The following AFG2A variants were observed in gnomAD, a reference collection of about 807,000 sequenced individuals.
AFG2A encodes the protein ATPase family gene 2 protein homolog A.
chr4:123,045,684 G>C, the AFG2A span, among the ~76,000 whole-genome samples: 1 of 152,068 alleles, frequency 6.6e-6, no homozygotes, highest in Admixed American at 6.6e-5. Context: ...TTAACTTGTC[G>C]TATTTCTAGT....
chr4:123,240,262 G>T, the AFG2A span, among the ~76,000 whole-genome samples: 1 of 152,130 alleles, frequency 6.6e-6, no homozygotes, highest in East Asian at 1.9e-4. Context: ...CTTGAACTCA[G>T]CTCTGCACCA....
the AFG2A span, among the ~76,000 whole-genome samples, chr4:123,119,908 AAG>A: frequency 2.0e-5 from 3 of 152,154 alleles, no homozygotes; most frequent in Non-Finnish European, 2.9e-5. Context: ...CACAGGGCTG[AAG>A]AGAGAGAATG....
At chr4:123,272,951 A>G in the AFG2A span, among the ~76,000 whole-genome samples, 5 of 152,172 alleles carry the variant, frequency 3.3e-5, no homozygotes, top group Non-Finnish European at 5.9e-5. Flanking sequence ...AAAATATCCA[A>G]GAGAAAAATG....
chr4:123,262,762 G>A, the AFG2A span, among the ~76,000 whole-genome samples: 1 of 152,100 alleles, frequency 6.6e-6, no homozygotes, highest in Non-Finnish European at 1.5e-5. Context: ...TGTGAATAAT[G>A]TTTGCAATTT....
the AFG2A span, among the ~76,000 whole-genome samples, chr4:123,107,178 C>T: frequency 6.6e-6 from 1 of 152,202 alleles, no homozygotes; most frequent in Non-Finnish European, 1.5e-5. Flanking sequence ...CAACTCTTCT[C>T]CTTCTCATCA....
the AFG2A span, among the ~76,000 whole-genome samples, chr4:122,951,045 T>C: frequency 2.6e-4 from 40 of 152,318 alleles, no homozygotes; most frequent in South Asian, 6.6e-3. Context: ...AGGAGACGAA[T>C]GCAGGTTAAT....
the AFG2A span, among the ~76,000 whole-genome samples, chr4:123,032,099 A>G: frequency 6.6e-6 from 1 of 152,350 alleles, no homozygotes; most frequent in East Asian, 1.9e-4. Flanking sequence ...TCTGCAAGAA[A>G]TGTGGTTAGG....
chr4:123,207,950 T>C, the AFG2A span, among the ~76,000 whole-genome samples: 1 of 152,232 alleles, frequency 6.6e-6, no homozygotes, highest in East Asian at 1.9e-4. Context: ...CCATATGGAA[T>C]GCAAGGGGCC....
At chr4:123,023,371 C>A in the AFG2A span, among the ~76,000 whole-genome samples, 1 of 151,372 alleles carries the variant, frequency 6.6e-6, no homozygotes, top group African/African-American at 2.4e-5. Flanking sequence ...AATAAAAGTT[C>A]AAATAAAAAA....
At chr4:123,026,493 C>T in the AFG2A span, among the ~76,000 whole-genome samples, 1 of 151,886 alleles carries the variant, frequency 6.6e-6, no homozygotes, top group Non-Finnish European at 1.5e-5. Flanking sequence ...CAGACTTTAC[C>T]AATTTGTGTT....
the AFG2A span, among the ~76,000 whole-genome samples, chr4:123,026,105 ATGTGTGTGTGTG>A: frequency 9.4e-5 from 14 of 149,232 alleles, no homozygotes; most frequent in Non-Finnish European, 1.9e-4. Flanking sequence ...GTGTATGTGT[ATGTGTGTGTGTG>A]TGTGTGTGTG....
At chr4:123,153,777 A>G in the AFG2A span, among the ~76,000 whole-genome samples, 1 of 152,166 alleles carries the variant, frequency 6.6e-6, no homozygotes, top group Admixed American at 6.5e-5. Flanking sequence ...AACCAGTGAT[A>G]AAAAGAAAAC....
chr4:123,160,021 G>C, the AFG2A span, among the ~76,000 whole-genome samples: 1 of 151,314 alleles, frequency 6.6e-6, no homozygotes, highest in Non-Finnish European at 1.5e-5. Flanking sequence ...TTGTCTTTTT[G>C]TTGTTGTTGT....
the AFG2A span, among the ~76,000 whole-genome samples, chr4:123,069,979 C>T: frequency 6.6e-6 from 1 of 152,084 alleles, no homozygotes; most frequent in African/African-American, 2.4e-5. Context: ...TTAGTATTCG[C>T]TTGGTGGTTT....
chr4:123,152,294 A>G, the AFG2A span, among the ~76,000 whole-genome samples: 2 of 152,196 alleles, frequency 1.3e-5, no homozygotes, highest in African/African-American at 4.8e-5. Context: ...CAGAACTTAA[A>G]GTATAATAAT....
the AFG2A span, among the ~76,000 whole-genome samples, chr4:123,029,738 A>C: frequency 6.6e-6 from 1 of 151,862 alleles, no homozygotes; most frequent in Non-Finnish European, 1.5e-5. Context: ...CCTGGGCTCA[A>C]GCTATTCTTC....
At chr4:122,939,075 C>CT in the AFG2A span, among the ~76,000 whole-genome samples, 7,873 of 102,118 alleles carry the variant, frequency 0.077, 2,234 homozygotes, top group Middle Eastern at 0.15. Flanking sequence ...TATGTTCTTT[C>CT]TTTTTTTTTT....
the AFG2A span, among the ~76,000 whole-genome samples, chr4:122,926,580 G>A: frequency 1.3e-5 from 2 of 152,180 alleles, no homozygotes; most frequent in East Asian, 3.9e-4. Context: ...TAAATCATAT[G>A]GGTACCTTAT....
At chr4:123,065,978 G>T in the AFG2A span, among the ~76,000 whole-genome samples, 1 of 152,216 alleles carries the variant, frequency 6.6e-6, no homozygotes, top group East Asian at 1.9e-4. Context: ...AATGAAAAAG[G>T]TGAAGTGCTC....
Sources: allele counts gnomAD v4.1 joint callset (sites outside exome capture counted in the v4.1 genomes callset), GRCh38; gene constraint gnomAD v4.1.1; transcripts MANE v1.5; gene names NCBI Gene and HGNC (gene_info 2026-07-23, HGNC 2026-07-21).